The following KCNH2 variants were observed in gnomAD, a reference collection of about 807,000 sequenced individuals.
KCNH2 encodes the protein potassium voltage-gated channel subfamily H member 2, also known as voltage-gated inwardly rectifying potassium channel KCNH2.
In KCNH2, 35 loss-of-function variants were observed where a neutral mutation model predicts 95.9. The ratio of observed to expected loss-of-function variants is 0.37; its 90% confidence interval spans 0.28 to 0.48. The LOEUF is 0.48. KCNH2 is among the 20% of genes least tolerant of loss of function. The probability of loss-of-function intolerance (pLI) is 0.99; values close to 1 mark genes in which losing one functional copy is unlikely to be tolerated. For synonymous variants in KCNH2, 786 were observed against 754.7 expected (o/e 1.04, Z -0.68); for missense variants, 1,274 against 1,702.9 (o/e 0.75, Z 4.43).
At position 150,971,438 on chromosome 7, in the gene KCNH2, G is replaced by A. The variant is rs181942386; in HGVS notation, c.307+3273C>T. On this transcript the variant is annotated intron_variant, in intron 2 of 14. Coordinates refer to ENST00000262186, the MANE Select transcript of KCNH2 (RefSeq NM_000238.4). Reference sequence around the variant, plus strand: ...TTACCATGGCAACTGGCCTGCAGCTGGAGTGGAGAAGCTAATAGACTCCTC... The same window carrying A: ...TTACCATGGCAACTGGCCTGCAGCTAGAGTGGAGAAGCTAATAGACTCCTC... Among the ~76,000 whole-genome samples, 144 of 152,262 alleles carry A rather than the reference G, an allele frequency of 9.5e-4. 1 individual carries two copies. The highest frequency in any genetic ancestry group is 3.1e-3 in the African/African-American group (127 of 41,540).
intron 5 of KCNH2, 108 bp downstream of exon 5, chr7:150,957,183 G>A (rs1056090725): frequency 5.6e-6 from 5 of 893,594 alleles, no homozygotes; most frequent in African/African-American, 1.7e-5. Flanking sequence ...CCCTCCAAGA[G>A]GCCCTCACTG....
intron 2 of KCNH2, 87 bp downstream of exon 2, chr7:150,974,624 C>T (rs1801924800): frequency 1.1e-6 from 1 of 896,608 alleles, no homozygotes; most frequent in African/African-American, 1.7e-5. Context: ...CCCACACCCC[C>T]ACACCCCCAC....
chr7:150,955,310 C>G, intron 5 of KCNH2: 1 of 1,354,518 alleles, frequency 7.4e-7, no homozygotes, highest in Non-Finnish European at 1.0e-6. Flanking sequence ...AGCCCTCTCC[C>G]CAGCCTGGAG....
chr7:150,953,143 C>T (rs912779918), intron 5 of KCNH2, among the ~76,000 whole-genome samples: 3 of 152,182 alleles, frequency 2.0e-5, no homozygotes, highest in Admixed American at 6.5e-5. Context: ...TGCTCCCCGC[C>T]GGCAATGCAG....
Position 150,957,336 on chromosome 7 carries a change from A to G in KCNH2, c.1083T>C (p.Pro361=), listed in dbSNP as rs1396662710. The change falls in exon 5 of 15, where the codon CCT becomes CCC. Residue 361 remains proline (P), a synonymous_variant. Transcript: ENST00000262186. The part of the protein sequence containing the change: ...SPTSDREIIA[P]KIKERTHNVT... ...CATTGTGGGTTCGCTCCTTTATCTT[A>G]GGTGCTATGATCTCACGGTCACTGG... 1 of 1,608,588 alleles carries G rather than the reference A, an allele frequency of 6.2e-7. No individual in the cohort carries two copies. Among genetic ancestry groups the G allele is most frequent in the Non-Finnish European group, 8.5e-7 (1 of 1,177,506 alleles).
rs1045202421 is a variant in KCNH2, at chr7:150,957,968, A to G, written c.916+91T>C. On this transcript the variant is annotated intron_variant, in intron 4 of 14. Coordinates refer to ENST00000262186, the MANE Select transcript of KCNH2 (RefSeq NM_000238.4). ...TCTCCCAGGCACCCAGGACGTAGTGAAAAGGTCAGAAGCCGAGGGCCCAGA... is the reference window on the plus strand; with the variant it reads ...TCTCCCAGGCACCCAGGACGTAGTGGAAAGGTCAGAAGCCGAGGGCCCAGA... 6 of 1,065,832 alleles carry G rather than the reference A, an allele frequency of 5.6e-6. No homozygotes were observed. In the African/African-American group the frequency reaches 9.6e-5, roughly 17 times the overall value. The allele number at this position is 1,065,832 out of a possible 1,614,324, so 66.0% of individuals were successfully genotyped here. A position where few individuals can be genotyped will look rare whatever the true frequency, so the allele number is the denominator to read the frequency against.
intron 9 of KCNH2, chr7:150,949,765 C>T (rs1022704742): frequency 8.8e-5 from 105 of 1,196,760 alleles, no homozygotes; most frequent in Non-Finnish European, 1.1e-4. Context: ...GCAGGACTCC[C>T]TTTGCTTTGG....
At position 150,946,114 on chromosome 7, in the gene KCNH2, G is replaced by C. The variant is rs1318108921; in HGVS notation, c.3331-600C>G. On this transcript the variant is annotated intron_variant, in intron 14 of 14. Coordinates refer to ENST00000262186, the MANE Select transcript of KCNH2 (RefSeq NM_000238.4). The surrounding 1 kb of genome is among the most constrained non-coding windows in gnomAD (Gnocchi z 6.5). The stretch of plus-strand genomic sequence containing the variant: ...AACAGGAGCAGGCAGCATATGGGAG[G>C]GGGGAGCGGATGCCAAGGGAAGTGG... Among the ~76,000 whole-genome samples, 1 of 152,132 alleles carries C rather than the reference G, an allele frequency of 6.6e-6. No individual in the cohort carries two copies. The highest frequency in any genetic ancestry group is 1.5e-5 in the Non-Finnish European group (1 of 68,008).
chr7:150,965,605 C>T (rs1801681476), intron 2 of KCNH2, among the ~76,000 whole-genome samples: 1 of 152,172 alleles, frequency 6.6e-6, no homozygotes, highest in South Asian at 2.1e-4. Flanking sequence ...CCTCCAACTC[C>T]TCCCCAGCCT....
chr7:150,945,403 G>A lies in KCNH2; in HGVS notation c.3442C>T (p.Gln1148Ter). The A allele has an allele frequency of 6.3e-7, 1 of 1,585,150 alleles. No individual in the cohort carries two copies. The highest frequency in any genetic ancestry group is 8.6e-7 in the Non-Finnish European group (1 of 1,165,902). The change falls in exon 15 of 15, where the codon CAG becomes TAG. Residue 1148 changes from glutamine to a stop codon, truncating the protein, a stop_gained. Transcript: ENST00000262186. LOFTEE classifies it high-confidence loss of function. The surrounding 1 kb of genome is among the most constrained non-coding windows in gnomAD (Gnocchi z 5.6). ...TCCGAGCCGTGTCTGTGCAGGGGCT[G>A]GGAGGTGAGGGCCCCCAGCTGGCCC... ...LPGQLGALTS[Q>*]PLHRHGSDPG... is the part of the protein sequence containing the mutation.
In KCNH2 at chr7:150,952,175, A is replaced by C. The variant is rs1163938961; in HGVS notation, c.1557+250T>G. Reference sequence around the variant, plus strand: ...CCCCTTGGGATGGACGAATTAGAAAAAAAGGTGTCCTGTGTGGCCCTCTGC... The same window carrying C: ...CCCCTTGGGATGGACGAATTAGAAACAAAGGTGTCCTGTGTGGCCCTCTGC... On this transcript the variant is annotated intron_variant, in intron 6 of 14. Transcript: ENST00000262186. The surrounding 1 kb of genome is among the most constrained non-coding windows in gnomAD (Gnocchi z 7.3). 6.6e-6 allele frequency among the ~76,000 whole-genome samples: 1 copy of C among 152,210 alleles called. No individual in the cohort carries two copies. Among genetic ancestry groups the C allele is most frequent in the Non-Finnish European group, 1.5e-5 (1 of 68,038 alleles).
rs1801601830 is a variant in KCNH2 at position 150,962,742 on chromosome 7, T to C, written c.308-3006A>G. Reference sequence around the variant, plus strand: ...GTCAAAGGCCTGGTTATTCAAAAAATGTGAACTGGAGCCCTGCCTGATGGC... The same window carrying C: ...GTCAAAGGCCTGGTTATTCAAAAAACGTGAACTGGAGCCCTGCCTGATGGC... On this transcript the variant is annotated intron_variant, in intron 2 of 14. Transcript: ENST00000262186. This position sits in a 1 kb window ranked among gnomAD's most constrained non-coding sequence, Gnocchi z 5.7. 1.3e-5 allele frequency among the ~76,000 whole-genome samples: 2 copies of C among 151,844 alleles called. No individual in the cohort carries two copies. The highest frequency in any genetic ancestry group is 1.5e-5 in the Non-Finnish European group (1 of 67,976).
At chr7:150,965,942 C>G (rs1021739305) in intron 2 of KCNH2, among the ~76,000 whole-genome samples, 2 of 152,228 alleles carry the variant, frequency 1.3e-5, no homozygotes, top group African/African-American at 4.8e-5. Flanking sequence ...GTGGTGCCCT[C>G]CAGCCCAAGT....
Position 150,951,753 on chromosome 7 carries a change from G to A in KCNH2, c.1640C>T (p.Ala547Val), listed in dbSNP as rs1473812774. 6.8e-6 allele frequency: 11 copies of A among 1,609,128 alleles called. No homozygotes were observed. The highest frequency in any genetic ancestry group is 8.5e-6 in the Non-Finnish European group (10 of 1,176,008). ...GCACATGAGCAAGAACAGCACGGCC[G>A]CGCCGTACTCTGAGTAGCGATCCAG... Reference protein sequence around the residue: ...RKLDRYSEYGAAVLFLLMCTF... With the variant: ...RKLDRYSEYGVAVLFLLMCTF... The change falls in exon 7 of 15, where the codon GCG becomes GTG. Residue 547 changes from alanine to valine, a missense_variant. Transcript: ENST00000262186.
intron 5 of KCNH2, among the ~76,000 whole-genome samples, chr7:150,957,066 C>T (rs1801398606): frequency 6.6e-6 from 1 of 152,196 alleles, no homozygotes; most frequent in Admixed American, 6.5e-5. Flanking sequence ...CATTCCCAGC[C>T]CTTTACCAGA....
At chr7:150,977,431 A>C (rs542563329) in intron 1 of KCNH2, among the ~76,000 whole-genome samples, 29 of 152,182 alleles carry the variant, frequency 1.9e-4, no homozygotes, top group Non-Finnish European at 3.5e-4. Flanking sequence ...TGGCAAGACC[A>C]GTGTGCGCGC....
At chr7:150,956,602 G>A (rs1801384760) in intron 5 of KCNH2, among the ~76,000 whole-genome samples, 1 of 152,164 alleles carries the variant, frequency 6.6e-6, no homozygotes, top group Non-Finnish European at 1.5e-5. Context: ...AACCCAGGAG[G>A]GGACAGAAGA....
intron 5 of KCNH2, among the ~76,000 whole-genome samples, chr7:150,956,388 G>A (rs925293713): frequency 2.6e-5 from 4 of 152,190 alleles, no homozygotes; most frequent in Non-Finnish European, 4.4e-5. Context: ...TCCCTTACAT[G>A]AGCCAACCCA....
In KCNH2 at chr7:150,948,972, T is replaced by C; in HGVS notation, c.2476A>G (p.Thr826Ala). The C allele has an allele frequency of 6.2e-7, 1 of 1,613,746 alleles. No homozygotes were observed. The highest frequency in any genetic ancestry group is 8.5e-7 in the Non-Finnish European group (1 of 1,179,892). The change falls in exon 10 of 15, where the codon ACC (threonine) becomes GCC (alanine). Residue 826 changes from threonine (T) to alanine (A), a missense_variant. Physicochemically the swap from Thr to Ala is moderately conservative, Grantham distance 58. Coordinates refer to ENST00000262186, the MANE Select transcript of KCNH2 (RefSeq NM_000238.4). Reference sequence around the variant, plus strand: ...TGGATCTTGTGTAGGTCACAGTAGGTGAGGGCCCGCACATCCCCGTTCGAC... The same window carrying C: ...TGGATCTTGTGTAGGTCACAGTAGGCGAGGGCCCGCACATCCCCGTTCGAC... ...GKSNGDVRAL[T>A]YCDLHKIHRD... is the part of the protein sequence containing the mutation.
Sources: allele counts gnomAD v4.1 joint callset (sites outside exome capture counted in the v4.1 genomes callset), GRCh38; gene constraint gnomAD v4.1.1; non-coding constraint Gnocchi (gnomAD v3.1); transcripts MANE v1.5; gene names NCBI Gene and HGNC (gene_info 2026-07-23, HGNC 2026-07-21).